The following INVS variants were observed in gnomAD, a reference collection of about 807,000 sequenced individuals.
INVS encodes inversin.
Under a neutral mutation model 108.8 loss-of-function variants are expected in INVS, and 86 were observed. The observed-to-expected ratio is 0.79, with a 90% CI of 0.66 to 0.95. INVS has a LOEUF of 0.95. Among genes scored for constraint, INVS ranks in the 40% least tolerant of loss-of-function variants. The pLI, the probability that INVS is intolerant of heterozygous loss-of-function variation, is 0.00. For synonymous variants in INVS, 455 were observed against 473.5 expected (o/e 0.96, Z 0.51); for missense variants, 1,169 against 1,297.4 (o/e 0.90, Z 1.52).
chr9:100,258,274 C>A (rs1188051518), intron 10 of INVS, among the ~76,000 whole-genome samples: 1 of 152,162 alleles, frequency 6.6e-6, no homozygotes, highest in African/African-American at 2.4e-5. Flanking sequence ...AAGGTCGTTT[C>A]TATGCTTTTT....
chr9:100,197,767 G>A (rs1830420056), intron 3 of INVS, among the ~76,000 whole-genome samples: 1 of 152,180 alleles, frequency 6.6e-6, no homozygotes. Flanking sequence ...TCCAGGGTAT[G>A]GGGCAAAGCT....
At chr9:100,136,989 G>A (rs950701327) in intron 3 of INVS, among the ~76,000 whole-genome samples, 43 of 152,150 alleles carry the variant, frequency 2.8e-4, no homozygotes, top group African/African-American at 1.0e-3. Flanking sequence ...GCAGTGAGCC[G>A]TGATCGCGCC....
intron 10 of INVS, among the ~76,000 whole-genome samples, chr9:100,260,189 T>TTC (rs1173796886): frequency 7.0e-6 from 1 of 143,512 alleles, no homozygotes; most frequent in Non-Finnish European, 1.5e-5. Flanking sequence ...TTCTTTTCTT[T>TTC]TTTTTTTTTT....
At chr9:100,288,591 T>G (rs866240560) in intron 13 of INVS, among the ~76,000 whole-genome samples, 12 of 152,180 alleles carry the variant, frequency 7.9e-5, no homozygotes, top group Middle Eastern at 6.8e-3. Context: ...CCTCAAATAT[T>G]TTTGAGTCTT....
rs770887954 is a variant in INVS at position 100,284,613 on chromosome 9, T to C, written c.2068+10T>C. 6 of 1,611,992 alleles carry C rather than the reference T, an allele frequency of 3.7e-6. No homozygotes were observed. The highest frequency in any genetic ancestry group is 1.1e-5 in the South Asian group (1 of 90,722). On this transcript the variant is annotated intron_variant, in intron 13 of 16. Transcript: ENST00000262457. ...TCCAGAAGGCCAAATGGTAGGTGTA[T>C]TGCCTTTGTCATCTTCTGCCGGCCC...
intron 1 of INVS, chr9:100,102,736 A>C (rs2118811911): frequency 6.6e-6 from 1 of 152,460 alleles, no homozygotes; most frequent in South Asian, 2.1e-4. Flanking sequence ...CCTAAGAAGG[A>C]ATGAACTGGT....
intron 5 of INVS, among the ~76,000 whole-genome samples, chr9:100,236,039 G>T (rs902905219): frequency 5.3e-5 from 8 of 152,122 alleles, no homozygotes; most frequent in Non-Finnish European, 1.0e-4. Context: ...ATATTTCTTG[G>T]AGGCTTTGTT....
chr9:100,177,739 A>G (rs1829762433), intron 3 of INVS, among the ~76,000 whole-genome samples: 1 of 152,222 alleles, frequency 6.6e-6, no homozygotes, highest in African/African-American at 2.4e-5. Context: ...GGCTCTGAAG[A>G]GAGCAGCAGA....
chr9:100,226,983 T>C (rs1831348097), intron 4 of INVS, among the ~76,000 whole-genome samples: 1 of 152,208 alleles, frequency 6.6e-6, no homozygotes, highest in African/African-American at 2.4e-5. Flanking sequence ...TCAGCCTTCC[T>C]GGGTTTCAAC....
At chr9:100,250,929 A>G (rs1371794570) in intron 8 of INVS, among the ~76,000 whole-genome samples, 2 of 152,112 alleles carry the variant, frequency 1.3e-5, no homozygotes, top group Admixed American at 6.5e-5. Flanking sequence ...ACTGTGCTGC[A>G]ACTACCCTTC....
At chr9:100,266,442 C>T (rs13289764) in intron 11 of INVS, among the ~76,000 whole-genome samples, 1 of 152,152 alleles carries the variant, frequency 6.6e-6, no homozygotes, top group African/African-American at 2.4e-5. Context: ...ATCCATGCCT[C>T]CCCTTTTCAG....
chr9:100,275,646 G>A (rs1833089979), intron 12 of INVS, among the ~76,000 whole-genome samples: 1 of 152,194 alleles, frequency 6.6e-6, no homozygotes, highest in African/African-American at 2.4e-5. Context: ...TCACCTCGGT[G>A]TACCTTTCCC....
chr9:100,240,743 GT>G (rs1483944581), intron 6 of INVS, among the ~76,000 whole-genome samples: 2 of 151,954 alleles, frequency 1.3e-5, no homozygotes, highest in Non-Finnish European at 2.9e-5. Flanking sequence ...CAATGAAGGA[GT>G]TTTACCCATT....
chr9:100,139,467 C>G (rs187673207), intron 3 of INVS, among the ~76,000 whole-genome samples: 4 of 152,306 alleles, frequency 2.6e-5, no homozygotes, highest in Admixed American at 2.6e-4. Context: ...TAGCCTCTCC[C>G]CTTATTCCAG....
intron 3 of INVS, among the ~76,000 whole-genome samples, chr9:100,209,232 CATT>C (rs760656300): frequency 3.3e-5 from 5 of 152,148 alleles, no homozygotes; most frequent in Non-Finnish European, 7.3e-5. Context: ...GAAATTAAGT[CATT>C]GTTGAGTCAG....
rs543088114 is a variant in INVS at position 100,117,890 on chromosome 9, C to T, written c.107-8493C>T. On this transcript the variant is annotated intron_variant, in intron 2 of 16. Coordinates refer to ENST00000262457, the MANE Select transcript of INVS (RefSeq NM_014425.5). ...GGAATTAACACCCTTATAAAAGGAA[C>T]CCCAGAAAGCTCTCAAGCCCTCTTT... Among the ~76,000 whole-genome samples, 31 of 151,856 alleles carry T rather than the reference C, an allele frequency of 2.0e-4. No homozygotes were observed. The South Asian group carries it at 6.5e-3, about 32-fold the overall frequency.
chr9:100,295,268 TTCCCC>T (rs1564194799), intron 14 of INVS, among the ~76,000 whole-genome samples: 2 of 152,080 alleles, frequency 1.3e-5, no homozygotes, highest in African/African-American at 2.4e-5. Context: ...CCTTCAGTCA[TTCCCC>T]CAAGAACAGT....
chr9:100,202,598 C>T (rs1033017905), intron 3 of INVS, among the ~76,000 whole-genome samples: 5 of 151,970 alleles, frequency 3.3e-5, no homozygotes, highest in Non-Finnish European at 5.9e-5. Flanking sequence ...CCTTTCTTTC[C>T]GCATATCACT....
intron 12 of INVS, among the ~76,000 whole-genome samples, chr9:100,281,969 A>T: frequency 6.6e-6 from 1 of 152,204 alleles, no homozygotes; most frequent in East Asian, 1.9e-4. Flanking sequence ...GACTGCTCAA[A>T]TAACAAAGTC....
Sources: gnomAD v4.1 joint callset for allele counts (sites outside exome capture counted in the v4.1 genomes callset) on GRCh38, gnomAD v4.1.1 for gene constraint, MANE v1.5 for transcripts, NCBI Gene and HGNC (gene_info 2026-07-23, HGNC 2026-07-21) for gene names.